Variants in FBXL17 observed in about 807,000 individuals in gnomAD.
The protein encoded by FBXL17 is F-box and leucine rich repeat protein 17.
A neutral mutation model predicts 66.2 loss-of-function variants in FBXL17; 22 were observed. The observed-to-expected ratio is 0.33, with a 90% CI of 0.24 to 0.47. The LOEUF (loss-of-function observed/expected upper bound fraction) is 0.47, where lower values mean the gene tolerates loss of function less well. FBXL17 is among the 20% of genes least tolerant of loss of function. The probability of loss-of-function intolerance (pLI) is 1.00; values close to 1 mark genes in which losing one functional copy is unlikely to be tolerated. For synonymous variants in FBXL17, 474 were observed against 400.5 expected (o/e 1.18, Z -2.19); for missense variants, 878 against 948.2 (o/e 0.93, Z 0.97).
At chr5:107,931,265 T>TA (rs1561326353) in intron 7 of FBXL17, among the ~76,000 whole-genome samples, 16 of 151,026 alleles carry the variant, frequency 1.1e-4, no homozygotes, top group Middle Eastern at 3.2e-3. Flanking sequence ...GAATTTTTTT[T>TA]TTTTTTTTTT....
At chr5:108,293,789 C>G (rs1758220550) in intron 4 of FBXL17, among the ~76,000 whole-genome samples, 1 of 151,692 alleles carries the variant, frequency 6.6e-6, no homozygotes, top group Non-Finnish European at 1.5e-5. Context: ...GCCTGTAATC[C>G]CATTACTTTG....
intron 7 of FBXL17, among the ~76,000 whole-genome samples, chr5:107,981,913 A>G (rs1752846149): frequency 6.6e-6 from 1 of 152,186 alleles, no homozygotes; most frequent in South Asian, 2.1e-4. Flanking sequence ...TATGGATAAA[A>G]CCATGAATGT....
chr5:108,254,495 A>G (rs1756492451), intron 4 of FBXL17, among the ~76,000 whole-genome samples: 1 of 152,220 alleles, frequency 6.6e-6, no homozygotes, highest in South Asian at 2.1e-4. Context: ...GCTAAGGATC[A>G]GAAATCATCA....
chr5:108,282,786 T>C (rs1757751313), intron 4 of FBXL17, among the ~76,000 whole-genome samples: 2 of 151,462 alleles, frequency 1.3e-5, no homozygotes, highest in Non-Finnish European at 1.5e-5. Flanking sequence ...AAAAAACTCT[T>C]ACATAACTAA....
intron 4 of FBXL17, among the ~76,000 whole-genome samples, chr5:108,347,059 A>G (rs1271574739): frequency 1.3e-5 from 2 of 152,194 alleles, no homozygotes; most frequent in Non-Finnish European, 2.9e-5. Context: ...TCAAATACAG[A>G]CATGCATTGC....
chr5:108,237,102 G>A (rs1755640874), intron 4 of FBXL17, among the ~76,000 whole-genome samples: 1 of 152,178 alleles, frequency 6.6e-6, no homozygotes, highest in South Asian at 2.1e-4. Context: ...ATCCTGAACA[G>A]CTACCCTAGT....
chr5:108,144,621 G>A (rs895546904), intron 6 of FBXL17, among the ~76,000 whole-genome samples: 32 of 150,950 alleles, frequency 2.1e-4, no homozygotes, highest in Middle Eastern at 6.8e-3. Context: ...GCAAAAAACT[G>A]TACCTAGTAA....
rs370933669 is a variant in FBXL17 at position 107,999,636 on chromosome 5, G to GCA, written c.1822+21287_1822+21288dup. Among the ~76,000 whole-genome samples the GCA allele has an allele frequency of 7.5e-4, 110 of 146,300 alleles. 1 individual carries two copies. In the South Asian group the frequency reaches 0.023, roughly 30 times the overall value. On this transcript the variant is annotated intron_variant, in intron 7 of 8. Coordinates refer to ENST00000542267, the MANE Select transcript of FBXL17 (RefSeq NM_001163315.3). ...ATTCTCATATTTCTAAATAACACAT[G>GCA]CACACACACACACATACACACACAA...
intron 6 of FBXL17, among the ~76,000 whole-genome samples, chr5:108,171,205 A>G (rs1237031173): frequency 3.3e-5 from 5 of 152,184 alleles, no homozygotes; most frequent in Non-Finnish European, 4.4e-5. Flanking sequence ...TATTTATTTT[A>G]TTTAATACTT....
chr5:107,991,292 C>T (rs58342334), intron 7 of FBXL17, among the ~76,000 whole-genome samples: 20,672 of 152,110 alleles, frequency 0.14, 1,522 homozygotes, highest in East Asian at 0.2. Context: ...GCAGCAGCAC[C>T]CTCATGAGAA....
At chr5:108,023,646 CAA>C (rs1218612602) in intron 6 of FBXL17, among the ~76,000 whole-genome samples, 1 of 152,152 alleles carries the variant, frequency 6.6e-6, no homozygotes, top group African/African-American at 2.4e-5. Context: ...GTACATAACA[CAA>C]GTCTGTGAAC....
chr5:107,944,265 T>C (rs1181675074), intron 7 of FBXL17, among the ~76,000 whole-genome samples: 1 of 152,204 alleles, frequency 6.6e-6, no homozygotes, highest in Non-Finnish European at 1.5e-5. Context: ...GGACCTGACT[T>C]AAATATACCA....
intron 5 of FBXL17, among the ~76,000 whole-genome samples, chr5:108,210,647 C>A (rs1422007758): frequency 6.6e-6 from 1 of 152,144 alleles, no homozygotes; most frequent in Non-Finnish European, 1.5e-5. Context: ...ATCGTGAGTT[C>A]TAATTTGATT....
rs1749818034 is a variant in FBXL17, at chr5:108,380,886, C to T, written c.806G>A (p.Gly269Asp). The T allele has an allele frequency of 8.1e-7, 1 of 1,239,376 alleles. No homozygotes were observed. The highest frequency in any genetic ancestry group is 3.2e-5 in the East Asian group (1 of 31,636). The allele number at this position is 1,239,376 out of a possible 1,614,324, so 76.8% of individuals were successfully genotyped here. A position where few individuals can be genotyped will look rare whatever the true frequency, so the allele number is the denominator to read the frequency against. The change falls in exon 1 of 9, where the codon GGT becomes GAT. Residue 269 changes from glycine (G) to aspartate (D), a missense_variant. Physicochemically the swap from Gly to Asp is moderately conservative, Grantham distance 94. Around this residue, in one of 4 missense-constraint regions of FBXL17, gnomAD observed 605 missense variants for 509.5 expected, o/e 1.19. Transcript: ENST00000542267. The stretch of plus-strand genomic sequence containing the variant: ...GTCCCCGCCAGCTTCGGTGGGGGCA[C>T]CTTCGGAGGTGGGAGAAGAGGGCGG... ...CPPPSSPTSEGAPTEAGGDAV... is the reference protein window; with the variant it reads ...CPPPSSPTSEDAPTEAGGDAV...
At chr5:107,983,476 G>A (rs1439760418) in intron 7 of FBXL17, among the ~76,000 whole-genome samples, 3 of 151,864 alleles carry the variant, frequency 2.0e-5, no homozygotes, top group Non-Finnish European at 4.4e-5. Flanking sequence ...TAACAGGCAT[G>A]AGCCACTGGG....
At chr5:107,961,548 T>C (rs985555120) in intron 7 of FBXL17, among the ~76,000 whole-genome samples, 9 of 151,998 alleles carry the variant, frequency 5.9e-5, no homozygotes, top group African/African-American at 1.4e-4. Context: ...GATTAACCAA[T>C]GTGATGGGGG....
Position 108,172,365 on chromosome 5 carries a change from A to C in FBXL17, c.1745+13752T>G, listed in dbSNP as rs573529880. ...CAAGTCACAAAGCCAGCACAGATATAAGAGGATAGAAGGATAAAGCAAAAG... is the reference window on the plus strand; with the variant it reads ...CAAGTCACAAAGCCAGCACAGATATCAGAGGATAGAAGGATAAAGCAAAAG... On this transcript the variant is annotated intron_variant, in intron 6 of 8. Transcript: ENST00000542267. Among the ~76,000 whole-genome samples, 11 of 152,332 alleles carry C rather than the reference A, an allele frequency of 7.2e-5. No homozygotes were observed. In the South Asian group the frequency reaches 2.1e-3, roughly 29 times the overall value.
intron 1 of FBXL17, among the ~76,000 whole-genome samples, chr5:108,377,691 T>G (rs1749543559): frequency 1.3e-5 from 2 of 152,272 alleles, no homozygotes; most frequent in Admixed American, 1.3e-4. Flanking sequence ...TATACTTGTG[T>G]GTGGAAAGGA....
At chr5:107,916,623 T>A (rs1236731458) in intron 7 of FBXL17, among the ~76,000 whole-genome samples, 1 of 152,238 alleles carries the variant, frequency 6.6e-6, no homozygotes, top group East Asian at 1.9e-4. Flanking sequence ...AATTTGCTAT[T>A]TTTATTCCAG....
Sources: allele counts gnomAD v4.1 joint callset (sites outside exome capture counted in the v4.1 genomes callset), GRCh38; gene constraint gnomAD v4.1.1; regional missense constraint gnomAD v4.1.1; transcripts MANE v1.5; gene names NCBI Gene and HGNC (gene_info 2026-07-23, HGNC 2026-07-21).